The following EFCAB6 variants were observed in gnomAD, a reference collection of about 807,000 sequenced individuals.
The protein encoded by EFCAB6 is EF-hand calcium-binding domain-containing protein 6.
A neutral mutation model predicts 169.8 loss-of-function variants in EFCAB6; 156 were observed. The ratio of observed to expected loss-of-function variants is 0.92; its 90% confidence interval spans 0.81 to 1.05. The LOEUF (loss-of-function observed/expected upper bound fraction) is 1.05, where lower values mean the gene tolerates loss of function less well. Among genes scored for constraint, EFCAB6 ranks in the 50% least tolerant of loss-of-function variants. The pLI is 0.00. For missense variants in EFCAB6, 1,800 were observed against 1,829.1 expected, an observed-to-expected ratio of 0.98 and a Z score of 0.29; for synonymous variants, 698 against 676.4, an observed-to-expected ratio of 1.03 and a Z score of -0.50.
At chr22:43,668,823 TGACA>T (rs1426766422) in intron 16 of EFCAB6, 45 bp downstream of exon 16, 2 of 1,473,946 alleles carry the variant, frequency 1.4e-6, no homozygotes, top group Non-Finnish European at 1.8e-6. Flanking sequence ...ACCTATTCCA[TGACA>T]GACACTGTGG....
At chr22:43,533,761 G>A (rs1335641779) in intron 30 of EFCAB6, among the ~76,000 whole-genome samples, 1 of 152,114 alleles carries the variant, frequency 6.6e-6, no homozygotes, top group Non-Finnish European at 1.5e-5. Context: ...AAATGGGGTG[G>A]CTAAGTATTG....
chr22:43,566,181 C>A (rs2049412616), intron 26 of EFCAB6, among the ~76,000 whole-genome samples: 2 of 152,150 alleles, frequency 1.3e-5, no homozygotes, highest in African/African-American at 4.8e-5. Context: ...AGGTCAGGCC[C>A]AGGTTATTGC....
chr22:43,689,224 G>A (rs1033552072), intron 10 of EFCAB6, among the ~76,000 whole-genome samples: 9 of 151,966 alleles, frequency 5.9e-5, no homozygotes, highest in East Asian at 1.9e-4. Context: ...GCGCAGGGCC[G>A]GAGGCAGGGG....
chr22:43,737,124 G>A (rs986835867), intron 6 of EFCAB6, among the ~76,000 whole-genome samples: 24 of 152,130 alleles, frequency 1.6e-4, no homozygotes, highest in African/African-American at 4.8e-4. Context: ...CCAACTCACC[G>A]CCTCTTCCAA....
intron 6 of EFCAB6, among the ~76,000 whole-genome samples, chr22:43,743,599 G>A (rs537360261): frequency 4.6e-5 from 7 of 152,188 alleles, no homozygotes; most frequent in Non-Finnish European, 8.8e-5. Flanking sequence ...CACGGAACAC[G>A]TTCAATAAAT....
intron 25 of EFCAB6, among the ~76,000 whole-genome samples, chr22:43,576,860 T>G (rs1003240263): frequency 6.6e-6 from 1 of 152,212 alleles, no homozygotes; most frequent in African/African-American, 2.4e-5. Flanking sequence ...TCAAGCTCTC[T>G]TGACCCTTAC....
chr22:43,533,692 C>T (rs1265084281), intron 30 of EFCAB6, among the ~76,000 whole-genome samples: 1 of 152,218 alleles, frequency 6.6e-6, no homozygotes, highest in African/African-American at 2.4e-5. Flanking sequence ...CCCCCTTCGA[C>T]AGACCCTGGC....
chr22:43,773,258 T>G (rs548117865), intron 3 of EFCAB6, among the ~76,000 whole-genome samples, 155 bp from the exon 4 acceptor site: 70 of 152,212 alleles, frequency 4.6e-4, no homozygotes, highest in African/African-American at 1.7e-3. Context: ...TGACTTGTAA[T>G]GAAAAATCTA....
intron 22 of EFCAB6, among the ~76,000 whole-genome samples, chr22:43,603,672 G>C (rs1239169508): frequency 3.3e-5 from 5 of 152,274 alleles, no homozygotes; most frequent in African/African-American, 1.2e-4. Context: ...TTACAGGGCA[G>C]AATGAGGAGG....
intron 16 of EFCAB6, 136 bp downstream of exon 16, chr22:43,668,736 C>A: frequency 6.5e-6 from 5 of 767,394 alleles, no homozygotes; most frequent in Non-Finnish European, 7.3e-6. Flanking sequence ...ACTCTAATTA[C>A]TGTCTTTCTA....
At chr22:43,611,003 T>C (rs1396819118) in intron 21 of EFCAB6, among the ~76,000 whole-genome samples, 1 of 152,232 alleles carries the variant, frequency 6.6e-6, no homozygotes, top group Non-Finnish European at 1.5e-5. Flanking sequence ...CAGAAAACTT[T>C]ACAGGAACTT....
At chr22:43,599,699 G>T (rs866070601) in intron 23 of EFCAB6, among the ~76,000 whole-genome samples, 2 of 152,046 alleles carry the variant, frequency 1.3e-5, no homozygotes, top group Admixed American at 6.6e-5. Flanking sequence ...CTGGGTGTGG[G>T]TGTCTGTTCG....
intron 8 of EFCAB6, among the ~76,000 whole-genome samples, chr22:43,727,064 T>C (rs1020973707): frequency 6.6e-6 from 1 of 152,136 alleles, no homozygotes; most frequent in African/African-American, 2.4e-5. Flanking sequence ...TATGGTATAA[T>C]GTTGAAAAAA....
chr22:43,676,751 C>T (rs550867513), intron 13 of EFCAB6, among the ~76,000 whole-genome samples: 1 of 152,258 alleles, frequency 6.6e-6, no homozygotes, highest in Non-Finnish European at 1.5e-5. Flanking sequence ...ATAAACTGTC[C>T]CATTTTAAAC....
intron 2 of EFCAB6, among the ~76,000 whole-genome samples, chr22:43,804,071 G>C (rs2062826808): frequency 6.6e-6 from 1 of 151,900 alleles, no homozygotes; most frequent in Admixed American, 6.6e-5. Context: ...CCACATCTTA[G>C]GCCACAAAAC....
chr22:43,573,498 G>A (rs918396657), intron 26 of EFCAB6, among the ~76,000 whole-genome samples: 2 of 152,040 alleles, frequency 1.3e-5, no homozygotes, highest in Admixed American at 6.5e-5. Flanking sequence ...TTGGGAGGCC[G>A]AGGCTGGTGG....
chr22:43,763,991 G>C (rs1263724426), intron 5 of EFCAB6, among the ~76,000 whole-genome samples: 1 of 152,032 alleles, frequency 6.6e-6, no homozygotes. Context: ...TCAAACTCCT[G>C]GGCTCAAGTG....
chr22:43,715,648 G>A (rs2059309780), intron 9 of EFCAB6, among the ~76,000 whole-genome samples: 1 of 152,098 alleles, frequency 6.6e-6, no homozygotes, highest in Non-Finnish European at 1.5e-5. Context: ...GAGAGGTCCA[G>A]AATTATGTTC....
intron 6 of EFCAB6, among the ~76,000 whole-genome samples, chr22:43,739,907 C>T (rs1164430570): frequency 1.3e-5 from 2 of 152,084 alleles, no homozygotes; most frequent in Admixed American, 6.5e-5. Flanking sequence ...GCATGCCCTC[C>T]GTGGCCAAAA....
Sources: gnomAD v4.1 joint callset for allele counts (sites outside exome capture counted in the v4.1 genomes callset) on GRCh38, gnomAD v4.1.1 for gene constraint, MANE v1.5 for transcripts, NCBI Gene and HGNC (gene_info 2026-07-23, HGNC 2026-07-21) for gene names.